The following SUCLG2 variants were observed in gnomAD, a reference collection of about 807,000 sequenced individuals.
The protein encoded by SUCLG2 is succinate--CoA ligase [GDP-forming] subunit beta, mitochondrial.
SUCLG2 carries 42 observed loss-of-function variants against 47.9 expected under a neutral mutation model. That is an observed-to-expected ratio of 0.88 (90% CI 0.69 to 1.14). The LOEUF is 1.14. SUCLG2 is among the 50% of genes most tolerant of loss of function. SUCLG2 has a pLI of 0.00. For missense variants in SUCLG2, 571 were observed against 525.9 expected, an observed-to-expected ratio of 1.09 and a Z score of -0.84; for synonymous variants, 195 against 197.3, an observed-to-expected ratio of 0.99 and a Z score of 0.10.
intron 2 of SUCLG2, among the ~76,000 whole-genome samples, chr3:67,553,118 G>A (rs959266475): frequency 2.0e-5 from 3 of 152,126 alleles, no homozygotes; most frequent in African/African-American, 7.2e-5. Flanking sequence ...ATGTTATCTT[G>A]CTGCCCAGGG....
intron 2 of SUCLG2, among the ~76,000 whole-genome samples, chr3:67,602,735 G>A (rs1470274697): frequency 6.6e-6 from 1 of 152,160 alleles, no homozygotes; most frequent in Non-Finnish European, 1.5e-5. Flanking sequence ...AAGCGAGCAT[G>A]AGCAAGTGAA....
At chr3:67,634,855 T>C (rs1039843394) in intron 1 of SUCLG2, among the ~76,000 whole-genome samples, 1 of 152,224 alleles carries the variant, frequency 6.6e-6, no homozygotes, top group Non-Finnish European at 1.5e-5. Flanking sequence ...TGTTTGAGAA[T>C]GTGCACGTGT....
At chr3:67,560,478 G>A (rs1707280429) in intron 2 of SUCLG2, among the ~76,000 whole-genome samples, 1 of 152,140 alleles carries the variant, frequency 6.6e-6, no homozygotes, top group Non-Finnish European at 1.5e-5. Context: ...CAAGCCCTGA[G>A]TCTGCCAACC....
At chr3:67,428,809 A>G (rs1703379818) in intron 9 of SUCLG2, among the ~76,000 whole-genome samples, 1 of 152,226 alleles carries the variant, frequency 6.6e-6, no homozygotes, top group Non-Finnish European at 1.5e-5. Flanking sequence ...TGCATGCACA[A>G]GCTTCAGTAG....
intron 2 of SUCLG2, among the ~76,000 whole-genome samples, chr3:67,560,777 G>A (rs1707288763): frequency 6.6e-6 from 1 of 151,714 alleles, no homozygotes; most frequent in South Asian, 2.1e-4. Context: ...ATCACACCAG[G>A]TCTTCCTTTT....
intron 9 of SUCLG2, among the ~76,000 whole-genome samples, chr3:67,455,559 G>GTT (rs1307495095): frequency 6.6e-6 from 1 of 152,190 alleles, no homozygotes; most frequent in Non-Finnish European, 1.5e-5. Flanking sequence ...ATGTAAAATA[G>GTT]TTTTGATGGG....
At chr3:67,579,396 T>C (rs1707825099) in intron 2 of SUCLG2, among the ~76,000 whole-genome samples, 2 of 152,196 alleles carry the variant, frequency 1.3e-5, no homozygotes, top group African/African-American at 4.8e-5. Flanking sequence ...AAACTCGAAG[T>C]TGGATGAGAC....
chr3:67,390,092 G>A (rs1021643507), intron 10 of SUCLG2, among the ~76,000 whole-genome samples: 5 of 152,190 alleles, frequency 3.3e-5, no homozygotes, highest in Admixed American at 6.5e-5. Context: ...CAGGCACGCT[G>A]CCACATGTTT....
chr3:67,472,829 A>G (rs1466360159), intron 9 of SUCLG2, among the ~76,000 whole-genome samples: 1 of 152,206 alleles, frequency 6.6e-6, no homozygotes, highest in Non-Finnish European at 1.5e-5. Context: ...ATAATGATAT[A>G]CTTCAAATTC....
chr3:67,568,830 T>C (rs1009464998), intron 2 of SUCLG2, among the ~76,000 whole-genome samples: 1 of 152,070 alleles, frequency 6.6e-6, no homozygotes, highest in Non-Finnish European at 1.5e-5. Context: ...GAGCTTGCAG[T>C]GAGCCGAGAT....
intron 2 of SUCLG2, among the ~76,000 whole-genome samples, chr3:67,574,055 C>T (rs1161146909): frequency 6.6e-6 from 1 of 152,192 alleles, no homozygotes; most frequent in African/African-American, 2.4e-5. Context: ...AGGACACATA[C>T]ATTCCTTGGC....
At chr3:67,408,596 G>C in intron 9 of SUCLG2, 1 of 990,886 alleles carries the variant, frequency 1.0e-6, no homozygotes, top group Non-Finnish European at 1.2e-6. Context: ...GCAGTCAGGG[G>C]AACCTAGGGA....
intron 2 of SUCLG2, among the ~76,000 whole-genome samples, chr3:67,590,975 C>T (rs2107276870): frequency 6.6e-6 from 1 of 152,254 alleles, no homozygotes; most frequent in Non-Finnish European, 1.5e-5. Flanking sequence ...TAATTATTTA[C>T]AGTTGTAGAG....
At chr3:67,432,064 T>G (rs748646133) in intron 9 of SUCLG2, among the ~76,000 whole-genome samples, 1 of 152,140 alleles carries the variant, frequency 6.6e-6, no homozygotes, top group South Asian at 2.1e-4. Context: ...CAGATTCCCT[T>G]TGTCCCAACT....
chr3:67,432,580 A>C (rs7616959), intron 9 of SUCLG2, among the ~76,000 whole-genome samples: 132,841 of 152,150 alleles, frequency 0.87, 58,570 homozygotes, highest in East Asian at 1. Context: ...TACACCTGGT[A>C]AAATCCTGCC....
chr3:67,622,072 A>G (rs548837632), intron 1 of SUCLG2, among the ~76,000 whole-genome samples: 2 of 152,278 alleles, frequency 1.3e-5, no homozygotes, highest in South Asian at 4.2e-4. Flanking sequence ...AGAGAACACA[A>G]GGCCTCCCTT....
At chr3:67,366,475 T>C (rs1193329732) in intron 10 of SUCLG2, among the ~76,000 whole-genome samples, 1 of 152,220 alleles carries the variant, frequency 6.6e-6, no homozygotes, top group African/African-American at 2.4e-5. Context: ...ATTTTGCCTC[T>C]ATTTAATCTC....
intron 1 of SUCLG2, among the ~76,000 whole-genome samples, chr3:67,633,836 T>C (rs1169171832): frequency 6.6e-6 from 1 of 152,190 alleles, no homozygotes; most frequent in East Asian, 1.9e-4. Context: ...CTCTCCGCTT[T>C]CTGCCTACTT....
intron 6 of SUCLG2, among the ~76,000 whole-genome samples, chr3:67,512,566 CAT>C (rs1226708255): frequency 5.4e-5 from 8 of 149,282 alleles, no homozygotes; most frequent in South Asian, 2.1e-4. Flanking sequence ...TCTGGGTACA[CAT>C]ATATATATAT....
Sources: allele counts gnomAD v4.1 joint callset (sites outside exome capture counted in the v4.1 genomes callset), GRCh38; gene constraint gnomAD v4.1.1; transcripts MANE v1.5; gene names NCBI Gene and HGNC (gene_info 2026-07-23, HGNC 2026-07-21).